CPNE8: variants seen among roughly 807,000 people sequenced by gnomAD.
CPNE8 encodes copine-8.
Under a neutral mutation model 81.5 loss-of-function variants are expected in CPNE8, and 45 were observed. The observed-to-expected ratio is 0.55, with a 90% CI of 0.44 to 0.71. The LOEUF (loss-of-function observed/expected upper bound fraction) is 0.71, where lower values mean the gene tolerates loss of function less well. Ranked by LOEUF, CPNE8 falls within the 30% of genes least tolerant of loss-of-function variation. The pLI, the probability that CPNE8 is intolerant of heterozygous loss-of-function variation, is 0.00. For missense variants in CPNE8, 594 were observed against 672.1 expected (o/e 0.88, Z 1.28); for synonymous variants, 252 against 226.3 (o/e 1.11, Z -1.02).
At chr12:38,747,920 A>T (rs545203855) in intron 10 of CPNE8, among the ~76,000 whole-genome samples, 2 of 152,202 alleles carry the variant, frequency 1.3e-5, no homozygotes, top group African/African-American at 4.8e-5. Flanking sequence ...AGTATAAAGC[A>T]CTCTGTAATT....
chr12:38,693,668 C>A lies in CPNE8; in HGVS notation c.1132G>T (p.Glu378Ter). ...TGACAAATTCTTACCAAAGCAAATTCGTGAGATATCCTTCCATCTGGAGGC... is the reference window on the plus strand; with the variant it reads ...TGACAAATTCTTACCAAAGCAAATTAGTGAGATATCCTTCCATCTGGAGGC... ...KLPPDGRISH[E>*]FALNGNPQNP... Residue 378 changes from glutamate to a stop codon, truncating the protein, a stop_gained, in exon 15 of 20, where the codon GAA becomes TAA. Transcript: ENST00000331366. LOFTEE classifies it high-confidence loss of function. 6.2e-7 allele frequency: 1 copy of A among 1,607,732 alleles called. No individual in the cohort carries two copies. The highest frequency in any genetic ancestry group is 8.5e-7 in the Non-Finnish European group (1 of 1,177,584).
chr12:38,776,154 TA>T, intron 7 of CPNE8, 83 bp downstream of exon 7: 1 of 624,314 alleles, frequency 1.6e-6, no homozygotes, highest in Non-Finnish European at 2.6e-6. Context: ...TACAATTACT[TA>T]AAAATTAATT....
chr12:38,670,257 A>T lies in CPNE8; in HGVS notation c.1506+472T>A, dbSNP rs138791573. On this transcript the variant is annotated intron_variant, in intron 19 of 19. Coordinates refer to ENST00000331366, the MANE Select transcript of CPNE8 (RefSeq NM_153634.3). ...CTTCTTCCTTTTCCTATCCAAAAAG[A>T]TATACTTCACAGCTTTTTTTCTGAC... Among the ~76,000 whole-genome samples, 716 of 152,286 alleles carry T rather than the reference A, an allele frequency of 4.7e-3. 5 individuals are homozygous for T. The highest frequency in any genetic ancestry group is 0.016 in the African/African-American group (666 of 41,572).
At position 38,710,268 on chromosome 12, in the gene CPNE8, C is replaced by CAAAAAAAAAA. The variant is rs57376063; in HGVS notation, c.915-7357_915-7348dup. On this transcript the variant is annotated intron_variant, in intron 13 of 19. Transcript: ENST00000331366. ...ATGTGACATAATCAAAATAAGCTAA[C>CAAAAAAAAAA]AAAAAAAAAAAAAAAAAAAACCAAC... Among the ~76,000 whole-genome samples, 376 of 49,722 alleles carry CAAAAAAAAAA rather than the reference C, an allele frequency of 7.6e-3. 10 individuals carry two copies. Among genetic ancestry groups the CAAAAAAAAAA allele is most frequent in the Middle Eastern group, 0.026 (1 of 38 alleles). 32.6% of individuals were successfully genotyped at this position (49,722 alleles called of 152,430 possible).
At chr12:38,732,684 C>A (rs1294582171) in intron 10 of CPNE8, among the ~76,000 whole-genome samples, 4 of 151,984 alleles carry the variant, frequency 2.6e-5, no homozygotes, top group Non-Finnish European at 4.4e-5. Flanking sequence ...ATACTGTCCT[C>A]TGCAGACTTT....
At chr12:38,833,626 T>C (rs1489680950) in intron 5 of CPNE8, among the ~76,000 whole-genome samples, 5 of 151,472 alleles carry the variant, frequency 3.3e-5, no homozygotes, top group Admixed American at 1.3e-4. Context: ...CTACAGGCAC[T>C]CGTCACCACG....
chr12:38,813,704 T>C (rs1049630701), intron 6 of CPNE8, among the ~76,000 whole-genome samples: 2 of 152,178 alleles, frequency 1.3e-5, no homozygotes, highest in Non-Finnish European at 2.9e-5. Context: ...ACAGACACAT[T>C]TGAGACTCCA....
intron 6 of CPNE8, among the ~76,000 whole-genome samples, chr12:38,811,601 T>A (rs1489624920): frequency 6.6e-6 from 1 of 152,120 alleles, no homozygotes; most frequent in Non-Finnish European, 1.5e-5. Context: ...ACATTTGAAG[T>A]CCCAGCACTT....
intron 4 of CPNE8, 125 bp downstream of exon 4, chr12:38,848,434 C>T: frequency 5.1e-6 from 7 of 1,378,646 alleles, no homozygotes; most frequent in Non-Finnish European, 6.6e-6. Flanking sequence ...ACACTCTGAA[C>T]AGAATTAATC....
At chr12:38,691,438 A>C (rs1206200619) in intron 15 of CPNE8, among the ~76,000 whole-genome samples, 1 of 152,232 alleles carries the variant, frequency 6.6e-6, no homozygotes, top group Admixed American at 6.5e-5. Flanking sequence ...TACTCAGTAA[A>C]TACTCAGCAT....
At chr12:38,742,673 TATAAATAAATAAATAAATAA>T (rs1555151385) in intron 10 of CPNE8, among the ~76,000 whole-genome samples, 3 of 68,756 alleles carry the variant, frequency 4.4e-5, no homozygotes, top group African/African-American at 7.0e-5. Context: ...GAACTTAAAA[TATAAATAAATAAATAAATAA>T]ATAAATAAAT....
chr12:38,711,540 C>T (rs895737264), intron 13 of CPNE8, among the ~76,000 whole-genome samples: 1 of 151,294 alleles, frequency 6.6e-6, no homozygotes, highest in Non-Finnish European at 1.5e-5. Flanking sequence ...GCAATCTCGG[C>T]TCACTGCAAC....
At chr12:38,736,183 T>C (rs1350915950) in intron 10 of CPNE8, among the ~76,000 whole-genome samples, 1 of 151,114 alleles carries the variant, frequency 6.6e-6, no homozygotes, top group East Asian at 1.9e-4. Flanking sequence ...TTTATACATA[T>C]ATATAATAAG....
At position 38,704,622 on chromosome 12, in the gene CPNE8, T is replaced by A. The variant is rs1592023028; in HGVS notation, c.915-1701A>T. On this transcript the variant is annotated intron_variant, in intron 13 of 19. Coordinates refer to ENST00000331366, the MANE Select transcript of CPNE8 (RefSeq NM_153634.3). Reference sequence around the variant, plus strand: ...ATTAGCCTATAGTTGGGCAAAATAATCTGGCAACACAGTACACTGTGGAGC... The same window carrying A: ...ATTAGCCTATAGTTGGGCAAAATAAACTGGCAACACAGTACACTGTGGAGC... 2.6e-5 allele frequency among the ~76,000 whole-genome samples: 4 copies of A among 151,938 alleles called. 1 individual carries two copies. Among genetic ancestry groups the A allele is most frequent in the Admixed American group, 2.6e-4 (4 of 15,232 alleles).
chr12:38,864,953 A>G (rs965826013), intron 3 of CPNE8, among the ~76,000 whole-genome samples: 1 of 152,234 alleles, frequency 6.6e-6, no homozygotes, highest in African/African-American at 2.4e-5. Flanking sequence ...AGATATTTGC[A>G]AGATACGCAA....
chr12:38,793,968 A>G (rs1038395239), intron 6 of CPNE8, among the ~76,000 whole-genome samples: 7 of 152,162 alleles, frequency 4.6e-5, no homozygotes, highest in Non-Finnish European at 1.0e-4. Flanking sequence ...CTTAATAAGG[A>G]AAGAATAGTT....
chr12:38,696,882 C>CA (rs1939811167), intron 14 of CPNE8, among the ~76,000 whole-genome samples: 1 of 151,978 alleles, frequency 6.6e-6, no homozygotes, highest in Admixed American at 6.6e-5. Context: ...CTCGTCTTTA[C>CA]AAAAAACACA....
At chr12:38,879,745 A>G (rs992757768) in intron 1 of CPNE8, among the ~76,000 whole-genome samples, 3 of 152,146 alleles carry the variant, frequency 2.0e-5, no homozygotes, top group Non-Finnish European at 4.4e-5. Flanking sequence ...TGTGAATTTT[A>G]AAGTTAATAG....
intron 1 of CPNE8, among the ~76,000 whole-genome samples, chr12:38,893,796 C>T (rs1376199549): frequency 2.6e-5 from 4 of 152,144 alleles, no homozygotes; most frequent in Admixed American, 1.3e-4. Context: ...ATAACTTTTA[C>T]TCTATATCTG....
Sources: gnomAD v4.1 joint callset for allele counts (sites outside exome capture counted in the v4.1 genomes callset) on GRCh38, gnomAD v4.1.1 for gene constraint, MANE v1.5 for transcripts, NCBI Gene and HGNC (gene_info 2026-07-23, HGNC 2026-07-21) for gene names.